MBP: variants seen among roughly 807,000 people sequenced by gnomAD.
MBP encodes the protein myelin basic protein.
MBP carries 16 observed loss-of-function variants against 35.8 expected under a neutral mutation model. The observed-to-expected ratio is 0.45, with a 90% CI of 0.30 to 0.68. The LOEUF (loss-of-function observed/expected upper bound fraction) is 0.68. Ranked by LOEUF, MBP falls within the 30% of genes least tolerant of loss-of-function variation. The pLI, the probability that MBP is intolerant of heterozygous loss-of-function variation, is 0.08. For synonymous variants in MBP, 143 were observed against 159.6 expected (o/e 0.90, Z 0.78); for missense variants, 380 against 404.7 (o/e 0.94, Z 0.52).
Position 77,020,313 on chromosome 18 carries a change from C to T in MBP, c.140-3045G>A, listed in dbSNP as rs982229202. 3.9e-5 allele frequency among the ~76,000 whole-genome samples: 6 copies of T among 151,974 alleles called. No individual in the cohort carries two copies. Among genetic ancestry groups the T allele is most frequent in the Admixed American group, 2.0e-4 (3 of 15,246 alleles). On this transcript the variant is annotated intron_variant, in intron 3 of 8. Transcript: ENST00000355994. The surrounding 1 kb of genome is among the most constrained non-coding windows in gnomAD (Gnocchi z 4.1). Reference sequence around the variant, plus strand: ...GGGGAAGGTGTAGACAGGGAACCAGCGAACAGTTGAGAATGCATGCCTGCC... The same window carrying T: ...GGGGAAGGTGTAGACAGGGAACCAGTGAACAGTTGAGAATGCATGCCTGCC...
intron 4 of MBP, among the ~76,000 whole-genome samples, chr18:77,000,296 A>AAC (rs1240362844): frequency 6.6e-6 from 1 of 152,206 alleles, no homozygotes; most frequent in Non-Finnish European, 1.5e-5. Context: ...TTTGTGCAAA[A>AAC]ACACAGACAA....
intron 1 of MBP, chr18:77,109,828 T>G (rs1976392813): frequency 6.6e-6 from 1 of 152,256 alleles, no homozygotes; most frequent in South Asian, 2.1e-4. Context: ...ATTTGCATTG[T>G]GTAGAGCTGC....
At chr18:77,058,565 G>A (rs75713872) in intron 3 of MBP, among the ~76,000 whole-genome samples, 7,036 of 152,256 alleles carry the variant, frequency 0.046, 214 homozygotes, top group Middle Eastern at 0.11. Context: ...CCGCCCCCGC[G>A]TGCAGAATCC....
intron 4 of MBP, chr18:77,014,365 C>T (rs888493042): frequency 2.0e-6 from 2 of 985,340 alleles, no homozygotes; most frequent in Non-Finnish European, 2.4e-6. Flanking sequence ...CATGGGGGGG[C>T]TCCACTCAGA....
chr18:77,106,689 T>C (rs1197616553), intron 1 of MBP, among the ~76,000 whole-genome samples: 7 of 152,184 alleles, frequency 4.6e-5, no homozygotes, highest in African/African-American at 1.7e-4. Flanking sequence ...CTAGTGATGA[T>C]ATAAACACAA....
At chr18:77,111,553 T>A (rs528271322) in intron 1 of MBP, among the ~76,000 whole-genome samples, 2 of 152,334 alleles carry the variant, frequency 1.3e-5, no homozygotes, top group East Asian at 3.9e-4. Flanking sequence ...AGGGCCCTGG[T>A]GTCGTGTGAG....
rs114434856 is a variant in MBP, at chr18:76,988,641, C to T, written c.718-114G>A. 228 of 1,512,418 alleles carry T rather than the reference C, an allele frequency of 1.5e-4. 2 individuals are homozygous for T. The African/African-American group carries it at 3.0e-3, about 20-fold the overall frequency. 93.7% of individuals were successfully genotyped at this position (1,512,418 alleles called of 1,614,324 possible). ...GGAGCTGAGGTGGTAAAAACAGGTTCCACCCGGAGCTCCGAGGGGGGCCGC... is the reference window on the plus strand; with the variant it reads ...GGAGCTGAGGTGGTAAAAACAGGTTTCACCCGGAGCTCCGAGGGGGGCCGC... On this transcript the variant is annotated intron_variant, in intron 6 of 8. Transcript: ENST00000355994. This position sits in a 1 kb window ranked among gnomAD's most constrained non-coding sequence, Gnocchi z 5.2.
chr18:76,987,164 A>T, intron 7 of MBP: 1 of 985,458 alleles, frequency 1.0e-6, no homozygotes, highest in Non-Finnish European at 1.2e-6. Context: ...ACATTCAGGG[A>T]GGATCCGGCA....
intron 2 of MBP, among the ~76,000 whole-genome samples, chr18:77,071,450 G>A (rs1029776877): frequency 7.2e-5 from 11 of 152,148 alleles, no homozygotes; most frequent in African/African-American, 2.4e-4. Context: ...CTTCTGTTTT[G>A]TTTTGTTTTA....
intron 4 of MBP, among the ~76,000 whole-genome samples, chr18:76,998,219 G>A (rs958273696): frequency 2.0e-5 from 3 of 152,122 alleles, no homozygotes; most frequent in African/African-American, 7.2e-5. Flanking sequence ...CTCTATGAAC[G>A]GGCCACCCGA....
At chr18:76,981,020 CTT>C (rs1969166076) in intron 8 of MBP, 1 of 155,838 alleles carries the variant, frequency 6.4e-6, no homozygotes, top group Non-Finnish European at 1.4e-5. Flanking sequence ...TGTCTGCAAA[CTT>C]TGACTTGAAG....
At chr18:77,127,890 T>C (rs1323109038) in intron 1 of MBP, 4 of 152,010 alleles carry the variant, frequency 2.6e-5, no homozygotes, top group Admixed American at 2.6e-4. Flanking sequence ...CAATACCAAA[T>C]GCTGCCCAGG....
At chr18:77,016,153 G>GTTTT (rs34095806) in intron 4 of MBP, 2,581 of 934,948 alleles carry the variant, frequency 2.8e-3, no homozygotes, top group East Asian at 0.013. Flanking sequence ...CCATAGCAGA[G>GTTTT]TTTTTTTTTT....
At chr18:77,011,129 C>T (rs970236781) in intron 4 of MBP, among the ~76,000 whole-genome samples, 10 of 152,198 alleles carry the variant, frequency 6.6e-5, no homozygotes, top group African/African-American at 2.2e-4. Context: ...GTGTGCTTAG[C>T]TGTACGTCTC....
At chr18:77,021,088 A>G (rs916358309) in intron 3 of MBP, among the ~76,000 whole-genome samples, 4 of 152,160 alleles carry the variant, frequency 2.6e-5, no homozygotes, top group African/African-American at 9.6e-5. Context: ...AGAGTCCTCC[A>G]CCCTCCGCTC....
intron 3 of MBP, among the ~76,000 whole-genome samples, chr18:77,033,905 A>C (rs1290057318): frequency 6.6e-6 from 1 of 152,006 alleles, no homozygotes; most frequent in Non-Finnish European, 1.5e-5. Flanking sequence ...TGATACTCAC[A>C]TAGTGCCTTG....
rs1267901701 is a variant in MBP, at chr18:77,060,457, T to TC, written c.139+5840_139+5841insG. Among the ~76,000 whole-genome samples the TC allele has an allele frequency of 1.7e-4, 22 of 130,008 alleles. 1 individual carries two copies. The highest frequency in any genetic ancestry group is 8.8e-4 in the African/African-American group (22 of 24,890). The allele number at this position is 130,008 out of a possible 152,430, so 85.3% of individuals were successfully genotyped here. On this transcript the variant is annotated intron_variant, in intron 3 of 8. Coordinates refer to ENST00000355994, the MANE Select transcript of MBP (RefSeq NM_001025101.2). The stretch of plus-strand genomic sequence containing the variant: ...GTTTTCTCTCTCTCTCCTTTTTTTT[T>TC]TTTTTTTTTTTATGAGGCGGAGTTT...
intron 3 of MBP, among the ~76,000 whole-genome samples, chr18:77,036,738 G>A (rs1972785242): frequency 2.2e-5 from 3 of 134,840 alleles, no homozygotes; most frequent in Non-Finnish European, 3.2e-5. Context: ...GCAAGTGCTG[G>A]TCACATTTTG....
rs979347723 is a variant in MBP, at chr18:77,101,647, C to T, written c.51+3564G>A. 2.6e-5 allele frequency among the ~76,000 whole-genome samples: 4 copies of T among 152,302 alleles called. No homozygotes were observed. Among genetic ancestry groups the T allele is most frequent in the East Asian group, 1.9e-4 (1 of 5,174 alleles). On this transcript the variant is annotated intron_variant, in intron 2 of 8. Transcript: ENST00000355994. This position sits in a 1 kb window ranked among gnomAD's most constrained non-coding sequence, Gnocchi z 4.3. ...TATGAGTGGACTAACACTGCAACTCCAGAAAAGTGTCTTTTTTTCACCAAT... is the reference window on the plus strand; with the variant it reads ...TATGAGTGGACTAACACTGCAACTCTAGAAAAGTGTCTTTTTTTCACCAAT...
Sources: allele counts gnomAD v4.1 joint callset (sites outside exome capture counted in the v4.1 genomes callset), GRCh38; gene constraint gnomAD v4.1.1; non-coding constraint Gnocchi (gnomAD v3.1); transcripts MANE v1.5; gene names NCBI Gene and HGNC (gene_info 2026-07-23, HGNC 2026-07-21).